The following SLC25A28 variants were observed in gnomAD, a reference collection of about 807,000 sequenced individuals.
SLC25A28 encodes solute carrier family 25 member 28, also known as mitoferrin-2.
Under a neutral mutation model 31.9 loss-of-function variants are expected in SLC25A28, and 10 were observed. The ratio of observed to expected loss-of-function variants is 0.31; its 90% confidence interval spans 0.19 to 0.53. The LOEUF (loss-of-function observed/expected upper bound fraction) is 0.53. Among genes scored for constraint, SLC25A28 ranks in the 20% least tolerant of loss-of-function variants. The pLI is 0.95. For missense variants in SLC25A28, 256 were observed against 490.3 expected (o/e 0.52, Z 4.51); for synonymous variants, 208 against 203.6 (o/e 1.02, Z -0.19).
chr10:99,653,435 A>T, the SLC25A28 span, among the ~76,000 whole-genome samples: 1 of 152,208 alleles, frequency 6.6e-6, no homozygotes, highest in East Asian at 1.9e-4. Flanking sequence ...CTATAACCCC[A>T]GCTGACATCT....
At position 99,613,535 on chromosome 10, in the gene SLC25A28, C is replaced by T. The variant is rs1334748840; in HGVS notation, c.520+161G>A. Reference sequence around the variant, plus strand: ...AGGAAAAGGCAGGGTTGAAGCGGCCCGTTGTCTGAGAACATCAGGTTTGGA... The same window carrying T: ...AGGAAAAGGCAGGGTTGAAGCGGCCTGTTGTCTGAGAACATCAGGTTTGGA... On this transcript the variant is annotated intron_variant, in intron 2 of 3. Transcript: ENST00000370495. This position sits in a 1 kb window ranked among gnomAD's most constrained non-coding sequence, Gnocchi z 4.9. The T allele has an allele frequency of 1.1e-5, 16 of 1,476,038 alleles. No homozygotes were observed. In the African/African-American group the frequency reaches 1.1e-4, roughly 10 times the overall value. 91.4% of individuals were successfully genotyped at this position (1,476,038 alleles called of 1,614,324 possible). A position where few individuals can be genotyped will look rare whatever the true frequency, so the allele number is the denominator to read the frequency against.
chr10:99,634,887 G>A, the SLC25A28 span, among the ~76,000 whole-genome samples: 1 of 152,226 alleles, frequency 6.6e-6, no homozygotes, highest in South Asian at 2.1e-4. Flanking sequence ...CTTAAGAGCT[G>A]TGAGACAAAA....
At chr10:99,624,376 G>A (rs1255168643), upstream of SLC25A28, among the ~76,000 whole-genome samples, 3 of 152,034 alleles carry the variant, frequency 2.0e-5, no homozygotes, top group African/African-American at 4.8e-5. Flanking sequence ...GATTACAGGT[G>A]TGAGCCACCA....
chr10:99,654,129 T>C, the SLC25A28 span, among the ~76,000 whole-genome samples: 2 of 152,088 alleles, frequency 1.3e-5, no homozygotes, highest in African/African-American at 2.4e-5. Flanking sequence ...ACTTTAAATA[T>C]GTAAGGGTTC....
At chr10:99,654,149 A>G in the SLC25A28 span, among the ~76,000 whole-genome samples, 1 of 152,198 alleles carries the variant, frequency 6.6e-6, no homozygotes, top group Non-Finnish European at 1.5e-5. Flanking sequence ...CTGGGTGACA[A>G]CATCTATTAG....
chr10:99,633,622 G>A, the SLC25A28 span, among the ~76,000 whole-genome samples: 53 of 146,712 alleles, frequency 3.6e-4, no homozygotes, highest in East Asian at 5.6e-3. Flanking sequence ...AACTGAGATC[G>A]CATGCCATTG....
Position 99,613,616 on chromosome 10 carries a change from G to A in SLC25A28, c.520+80C>T. 6.2e-7 allele frequency: 1 copy of A among 1,601,850 alleles called. No homozygotes were observed. The highest frequency in any genetic ancestry group is 8.5e-7 in the Non-Finnish European group (1 of 1,174,182). ...GCCCAAAGCTTCAGCTCCAAACCAT[G>A]CTGAGACTGGAAAGCACTGACAGCA... On this transcript the variant is annotated intron_variant, in intron 2 of 3. Transcript: ENST00000370495. The surrounding 1 kb of genome is among the most constrained non-coding windows in gnomAD (Gnocchi z 4.9).
chr10:99,613,458 TCA>T lies in SLC25A28; in HGVS notation c.520+236_520+237del, dbSNP rs2034577188. On this transcript the variant is annotated intron_variant, in intron 2 of 3. Transcript: ENST00000370495. This position sits in a 1 kb window ranked among gnomAD's most constrained non-coding sequence, Gnocchi z 4.9. ...ATGCCAGGGAGATGAGAGGAACAAG[TCA>T]AGCTGGTAGGTAAGGGAGGATACTG... 3 of 1,392,540 alleles carry T rather than the reference TCA, an allele frequency of 2.2e-6. No individual in the cohort carries two copies. The highest frequency in any genetic ancestry group is 2.8e-6 in the Non-Finnish European group (3 of 1,073,676). The allele number at this position is 1,392,540 out of a possible 1,614,324, so 86.3% of individuals were successfully genotyped here.
upstream of SLC25A28, chr10:99,621,129 G>T: frequency 3.0e-6 from 1 of 334,116 alleles, no homozygotes; most frequent in Non-Finnish European, 4.3e-6. Flanking sequence ...ATGCGGGCTG[G>T]GAACCGCCTC....
chr10:99,634,102 G>C, the SLC25A28 span, among the ~76,000 whole-genome samples: 1 of 152,196 alleles, frequency 6.6e-6, no homozygotes, highest in Non-Finnish European at 1.5e-5. Flanking sequence ...AAGGGGGAGA[G>C]TACTACATCA....
the SLC25A28 span, among the ~76,000 whole-genome samples, chr10:99,640,192 T>C: frequency 6.6e-6 from 1 of 152,226 alleles, no homozygotes; most frequent in African/African-American, 2.4e-5. Context: ...CAAAACTTAG[T>C]AGCTTAAAAC....
the SLC25A28 span, among the ~76,000 whole-genome samples, chr10:99,643,156 T>C: frequency 2.0e-5 from 3 of 152,334 alleles, no homozygotes; most frequent in African/African-American, 7.2e-5. Flanking sequence ...AGCTCCTCTT[T>C]GTACCTCTGC....
At chr10:99,637,035 T>A in the SLC25A28 span, among the ~76,000 whole-genome samples, 5 of 152,082 alleles carry the variant, frequency 3.3e-5, no homozygotes, top group Non-Finnish European at 7.4e-5. Context: ...GATGCTAAAA[T>A]CATTAACAAA....
chr10:99,620,158 C>T lies in SLC25A28; in HGVS notation c.178G>A (p.Gly60Ser), dbSNP rs200660799. ...GCCGGCAGCGCCTCGTAGTCCGGGC[C>T]GGAGTCCGGATCTTGTCGTACCGGG... ...RPPVRQDPDS[G>S]PDYEALPAGA... The change falls in exon 1 of 4, where the codon GGC becomes AGC. Residue 60 changes from glycine (G) to serine (S), a missense_variant. Around this residue, in one of 4 missense-constraint regions of SLC25A28, gnomAD observed 41 missense variants for 41.7 expected, o/e 0.98. Coordinates refer to ENST00000370495, the MANE Select transcript of SLC25A28 (RefSeq NM_031212.4). 4.3e-4 allele frequency: 673 copies of T among 1,565,588 alleles called. 1 individual carries two copies. Among genetic ancestry groups the T allele is most frequent in the Non-Finnish European group, 5.5e-4 (638 of 1,163,934 alleles).
At chr10:99,620,994 G>T (rs1488505405), upstream of SLC25A28, 15 of 984,468 alleles carry the variant, frequency 1.5e-5, no homozygotes, top group Non-Finnish European at 1.8e-5. Context: ...GCTGGAGAGC[G>T]GGCGGCCCTG....
the SLC25A28 span, chr10:99,651,935 G>GCA: frequency 2.0e-5 from 3 of 152,048 alleles, no homozygotes; most frequent in Non-Finnish European, 4.4e-5. Context: ...TTTGGTGTGT[G>GCA]AGTGTGTATC....
At chr10:99,636,140 G>A in the SLC25A28 span, among the ~76,000 whole-genome samples, 1 of 152,172 alleles carries the variant, frequency 6.6e-6, no homozygotes, top group Non-Finnish European at 1.5e-5. Flanking sequence ...GATATATACA[G>A]AACATTTCAT....
At chr10:99,612,786 C>A (rs1042422492) in intron 2 of SLC25A28, 187 bp from the exon 3 acceptor site, 2 of 647,450 alleles carry the variant, frequency 3.1e-6, no homozygotes, top group Non-Finnish European at 5.5e-6. Context: ...TCTGTTCCCA[C>A]CAACTTTGTA....
chr10:99,644,378 A>G, the SLC25A28 span, among the ~76,000 whole-genome samples: 1 of 152,156 alleles, frequency 6.6e-6, no homozygotes, highest in South Asian at 2.1e-4. Flanking sequence ...ATCAGAGACT[A>G]GGATTGCAAC....
Sources: allele counts gnomAD v4.1 joint callset (sites outside exome capture counted in the v4.1 genomes callset), GRCh38; gene constraint gnomAD v4.1.1; regional missense constraint gnomAD v4.1.1; non-coding constraint Gnocchi (gnomAD v3.1); transcripts MANE v1.5; gene names NCBI Gene and HGNC (gene_info 2026-07-23, HGNC 2026-07-21).